STON1: variants seen among roughly 807,000 people sequenced by gnomAD.
The protein encoded by STON1 is stonin-1.
STON1 carries 79 observed loss-of-function variants against 60.9 expected under a neutral mutation model. The ratio of observed to expected loss-of-function variants is 1.30; its 90% CI spans 1.08 to 1.56. The LOEUF (loss-of-function observed/expected upper bound fraction) is 1.56, where lower values mean the gene tolerates loss of function less well. Ranked by LOEUF, STON1 falls within the 40% of genes most tolerant of loss-of-function variation. STON1 has a pLI of 0.00. For synonymous variants in STON1, 363 were observed against 306.9 expected (o/e 1.18, Z -1.91); for missense variants, 1,166 against 858.9 (o/e 1.36, Z -4.47).
intron 1 of STON1, among the ~76,000 whole-genome samples, chr2:48,537,670 G>A (rs1433074379): frequency 4.6e-5 from 7 of 151,834 alleles, no homozygotes; most frequent in Non-Finnish European, 8.8e-5. Context: ...CCAACATGGC[G>A]AAACCCTATC....
intron 1 of STON1, among the ~76,000 whole-genome samples, chr2:48,544,432 T>G (rs1671780773): frequency 6.6e-6 from 1 of 152,244 alleles, no homozygotes; most frequent in South Asian, 2.1e-4. Context: ...GCTGACACAT[T>G]GGCCTCTGTT....
intron 1 of STON1, among the ~76,000 whole-genome samples, chr2:48,540,165 T>A (rs1330018328): frequency 2.0e-5 from 3 of 152,218 alleles, no homozygotes; most frequent in Non-Finnish European, 4.4e-5. Context: ...AGGTTTTAGA[T>A]GATATTTTTG....
chr2:48,553,590 C>T (rs1270179015), intron 1 of STON1, among the ~76,000 whole-genome samples: 16 of 152,100 alleles, frequency 1.1e-4, no homozygotes, highest in African/African-American at 3.9e-4. Context: ...CGGGTTCAAG[C>T]GATTCTCCTG....
intron 1 of STON1, chr2:48,569,151 T>C (rs1347739468): frequency 1.3e-5 from 2 of 152,212 alleles, no homozygotes; most frequent in Non-Finnish European, 2.9e-5. Context: ...TATTACTTCA[T>C]GAGTTTGTGA....
intron 1 of STON1, among the ~76,000 whole-genome samples, chr2:48,559,112 G>A (rs1017108972): frequency 8.5e-5 from 13 of 152,140 alleles, no homozygotes; most frequent in East Asian, 5.8e-4. Flanking sequence ...GGTCCCAAGC[G>A]TTTTAGATAA....
At chr2:48,536,379 C>T (rs532264018) in intron 1 of STON1, among the ~76,000 whole-genome samples, 18 of 151,998 alleles carry the variant, frequency 1.2e-4, no homozygotes, top group African/African-American at 4.1e-4. Context: ...AAAACCCCAT[C>T]TTTACTAAAA....
chr2:48,585,471 A>T (rs181916486), intron 2 of STON1, among the ~76,000 whole-genome samples: 1 of 151,944 alleles, frequency 6.6e-6, no homozygotes, highest in African/African-American at 2.4e-5. Context: ...CTGGTCTCGA[A>T]CTCCCAACCT....
chr2:48,554,719 T>TGAAATTCAATAAAGTTCATAAGTA (rs1672243674), intron 1 of STON1, among the ~76,000 whole-genome samples: 1 of 63,174 alleles, frequency 1.6e-5, no homozygotes, highest in Admixed American at 1.5e-4. Flanking sequence ...TTTTTTTTTT[T>TGAAATTCAATAAAGTTCATAAGTA]TTTTTTATTT....
intron 1 of STON1, among the ~76,000 whole-genome samples, chr2:48,548,451 G>T (rs1671948954): frequency 6.6e-6 from 1 of 151,542 alleles, no homozygotes; most frequent in Non-Finnish European, 1.5e-5. Flanking sequence ...TATGCCAAAT[G>T]CTTGCTTTCT....
intron 1 of STON1, among the ~76,000 whole-genome samples, chr2:48,565,154 G>T (rs1415359083): frequency 6.8e-6 from 1 of 146,862 alleles, no homozygotes; most frequent in Non-Finnish European, 1.5e-5. Flanking sequence ...CCAGGTTCAT[G>T]CCATTCTCCT....
intron 1 of STON1, among the ~76,000 whole-genome samples, chr2:48,534,714 T>C (rs1416730911): frequency 6.6e-6 from 1 of 152,098 alleles, no homozygotes; most frequent in Non-Finnish European, 1.5e-5. Flanking sequence ...GCCTAGGAGA[T>C]GGAGGCTTCA....
intron 1 of STON1, among the ~76,000 whole-genome samples, chr2:48,538,248 T>A (rs891878385): frequency 6.6e-6 from 1 of 152,058 alleles, no homozygotes; most frequent in Non-Finnish European, 1.5e-5. Flanking sequence ...TGAGCCACCG[T>A]GCCTGGCTGG....
In STON1 at chr2:48,581,553, T is replaced by A. The variant is rs1177600728; in HGVS notation, c.920T>A (p.Leu307Ter). The change falls in exon 2 of 4, where the codon TTG becomes TAG. Residue 307 changes from leucine (L) to a stop codon, truncating the protein, a stop_gained. Transcript: ENST00000404752. LOFTEE classifies it high-confidence loss of function. ...IFLKVLPGGILQMYYEQGLEK... is the reference protein window; with the variant it reads ...IFLKVLPGGI ...CTGAAAGTTTTGCCTGGAGGAATTT[T>A]GCAGATGTATTATGAACAGGGATTA... 5 of 1,614,096 alleles carry A rather than the reference T, an allele frequency of 3.1e-6. No homozygotes were observed.
rs370577100 is a variant in STON1 at position 48,566,553 on chromosome 2, G to A, written c.-47-14034G>A. 7.2e-5 allele frequency among the ~76,000 whole-genome samples: 11 copies of A among 152,296 alleles called. No individual in the cohort carries two copies. The East Asian group carries it at 1.5e-3, about 21-fold the overall frequency. Reference sequence around the variant, plus strand: ...CCACCTCAGTCTCCCAAAGTGCTGAGATTACAGGCGTGAGCCACCGCACCC... The same window carrying A: ...CCACCTCAGTCTCCCAAAGTGCTGAAATTACAGGCGTGAGCCACCGCACCC... On this transcript the variant is annotated intron_variant, in intron 1 of 3. Transcript: ENST00000404752.
At chr2:48,538,559 T>A (rs1437478244) in intron 1 of STON1, among the ~76,000 whole-genome samples, 3 of 151,962 alleles carry the variant, frequency 2.0e-5, no homozygotes, top group African/African-American at 7.3e-5. Flanking sequence ...TTTTTAATTT[T>A]TTTATTACCT....
At position 48,580,663 on chromosome 2, in the gene STON1, C is replaced by G. The variant is rs772169736; in HGVS notation, c.30C>G (p.Val10=). The part of the protein sequence containing the change: MCSTNPGKW[V]TFDDDPAVQS... ...GCTCCACAAATCCAGGCAAATGGGT[C>G]ACCTTTGATGATGATCCTGCTGTTC... The change falls in exon 2 of 4, where the codon GTC becomes GTG. Residue 10 remains valine (V), a synonymous_variant. Coordinates refer to ENST00000404752, the MANE Select transcript of STON1 (RefSeq NM_006873.4). 2.2e-6 allele frequency: 3 copies of G among 1,381,010 alleles called. No homozygotes were observed. The highest frequency in any genetic ancestry group is 2.8e-6 in the Non-Finnish European group (3 of 1,061,780). 85.5% of individuals were successfully genotyped at this position (1,381,010 alleles called of 1,614,324 possible).
intron 1 of STON1, among the ~76,000 whole-genome samples, chr2:48,555,314 GGGGGGGC>G (rs1672284590): frequency 5.0e-5 from 2 of 39,844 alleles, no homozygotes; most frequent in African/African-American, 1.9e-4. Flanking sequence ...TGGCCGGGCG[GGGGGGGC>G]TGACCCCCCC....
chr2:48,541,862 C>A (rs150820176), intron 1 of STON1, among the ~76,000 whole-genome samples: 2 of 152,204 alleles, frequency 1.3e-5, no homozygotes, highest in East Asian at 3.9e-4. Flanking sequence ...CATCTGGAAC[C>A]CTGCACGCTT....
At chr2:48,589,351 G>T (rs1674388844) in intron 2 of STON1, among the ~76,000 whole-genome samples, 1 of 152,178 alleles carries the variant, frequency 6.6e-6, no homozygotes, top group African/African-American at 2.4e-5. Flanking sequence ...AATGACCAAA[G>T]CTGGACAGTT....
Sources: allele counts gnomAD v4.1 joint callset (sites outside exome capture counted in the v4.1 genomes callset), GRCh38; gene constraint gnomAD v4.1.1; transcripts MANE v1.5; gene names NCBI Gene and HGNC (gene_info 2026-07-23, HGNC 2026-07-21).